The following CEP112 variants were observed in gnomAD, a reference collection of about 807,000 sequenced individuals.
The protein encoded by CEP112 is centrosomal protein 112.
A neutral mutation model predicts 153.0 loss-of-function variants in CEP112; 127 were observed. That is an observed-to-expected ratio of 0.83 (90% CI 0.72 to 0.96). CEP112 has a LOEUF of 0.96. CEP112 is among the 40% of genes least tolerant of loss of function. CEP112 has a pLI of 0.00. For missense variants in CEP112, 1,089 were observed against 1,101.2 expected (o/e 0.99, Z 0.16); for synonymous variants, 358 against 374.4 (o/e 0.96, Z 0.51).
chr17:66,039,614 A>G (rs2145821392), intron 12 of CEP112, among the ~76,000 whole-genome samples: 1 of 152,284 alleles, frequency 6.6e-6, no homozygotes, highest in East Asian at 1.9e-4. Context: ...AAAGATACAT[A>G]CGTTTATGAT....
At chr17:65,831,979 A>G (rs538540838) in intron 21 of CEP112, among the ~76,000 whole-genome samples, 1 of 152,360 alleles carries the variant, frequency 6.6e-6, no homozygotes, top group South Asian at 2.1e-4. Context: ...AACCGAAATC[A>G]TACCAAACAC....
At chr17:65,693,745 A>G (rs1298203649) in intron 23 of CEP112, among the ~76,000 whole-genome samples, 1 of 152,144 alleles carries the variant, frequency 6.6e-6, no homozygotes, top group Non-Finnish European at 1.5e-5. Flanking sequence ...ATTGCTAGAC[A>G]CTATCCGTGC....
At chr17:66,183,477 A>C in intron 1 of CEP112, among the ~76,000 whole-genome samples, 170 bp from the exon 2 acceptor site, 1 of 152,188 alleles carries the variant, frequency 6.6e-6, no homozygotes, top group East Asian at 1.9e-4. Flanking sequence ...TTGTAGAGAT[A>C]AGCTTAATTC....
intron 17 of CEP112, among the ~76,000 whole-genome samples, chr17:65,997,194 G>A (rs945339921): frequency 6.6e-6 from 1 of 152,172 alleles, no homozygotes; most frequent in African/African-American, 2.4e-5. Flanking sequence ...CTGGGCAACA[G>A]AGTGAGACTC....
intron 21 of CEP112, among the ~76,000 whole-genome samples, chr17:65,756,318 A>C (rs1567968066): frequency 6.6e-6 from 1 of 151,010 alleles, no homozygotes; most frequent in Non-Finnish European, 1.5e-5. Flanking sequence ...AGGCAGAATA[A>C]TCACTGGAAC....
chr17:66,004,919 T>G (rs970950296), intron 17 of CEP112, among the ~76,000 whole-genome samples: 5 of 152,220 alleles, frequency 3.3e-5, no homozygotes, highest in Non-Finnish European at 7.3e-5. Context: ...ATCACTTTCT[T>G]GGGTCAGTCA....
chr17:66,073,396 G>T (rs2067371282), intron 8 of CEP112, among the ~76,000 whole-genome samples: 1 of 152,204 alleles, frequency 6.6e-6, no homozygotes, highest in Non-Finnish European at 1.5e-5. Context: ...CTTAAATGCA[G>T]GGTACTAAAA....
chr17:65,789,804 T>C (rs932368265), intron 21 of CEP112, among the ~76,000 whole-genome samples: 2 of 152,218 alleles, frequency 1.3e-5, no homozygotes, highest in African/African-American at 4.8e-5. Context: ...AAATTATCTA[T>C]ACAACTAGAC....
chr17:65,939,177 T>C (rs1419128422), intron 18 of CEP112, among the ~76,000 whole-genome samples: 3 of 152,200 alleles, frequency 2.0e-5, no homozygotes, highest in African/African-American at 7.2e-5. Context: ...AGTATTCATT[T>C]ATTCAAAGAG....
chr17:66,024,551 A>T (rs571756066), intron 16 of CEP112, among the ~76,000 whole-genome samples: 10 of 146,426 alleles, frequency 6.8e-5, no homozygotes, highest in Admixed American at 4.4e-4. Flanking sequence ...ATCAAGAAGC[A>T]ATCCCATTTA....
chr17:66,101,247 A>G (rs1446545448), intron 6 of CEP112, among the ~76,000 whole-genome samples: 1 of 152,144 alleles, frequency 6.6e-6, no homozygotes, highest in Non-Finnish European at 1.5e-5. Context: ...ATCATATAAA[A>G]CATTGTATTT....
intron 24 of CEP112, among the ~76,000 whole-genome samples, chr17:65,643,375 G>A (rs562765421): frequency 2.2e-4 from 33 of 152,078 alleles, no homozygotes; most frequent in African/African-American, 8.0e-4. Context: ...TTGGCTCACT[G>A]CAACCTCTGC....
chr17:65,924,818 C>G (rs2144131230), intron 19 of CEP112, among the ~76,000 whole-genome samples: 1 of 152,288 alleles, frequency 6.6e-6, no homozygotes, highest in Middle Eastern at 3.4e-3. Flanking sequence ...TTACTAGTTA[C>G]TCCACTCCTC....
At chr17:65,705,737 G>A (rs542532103) in intron 23 of CEP112, among the ~76,000 whole-genome samples, 2 of 152,288 alleles carry the variant, frequency 1.3e-5, no homozygotes, top group Non-Finnish European at 2.9e-5. Context: ...GATTTGAAAA[G>A]ACATGAGAGC....
At chr17:65,839,005 A>G (rs1303477987) in intron 21 of CEP112, among the ~76,000 whole-genome samples, 2 of 152,184 alleles carry the variant, frequency 1.3e-5, no homozygotes, top group Admixed American at 6.5e-5. Context: ...AGATTGAAGC[A>G]GTAATAAAAT....
chr17:66,013,207 A>C (rs2064615154), intron 16 of CEP112, among the ~76,000 whole-genome samples: 1 of 152,132 alleles, frequency 6.6e-6, no homozygotes, highest in African/African-American at 2.4e-5. Context: ...TTCATAGTCT[A>C]AATTCTACTT....
chr17:65,802,578 C>A (rs529090512), intron 21 of CEP112, among the ~76,000 whole-genome samples: 1 of 152,256 alleles, frequency 6.6e-6, no homozygotes, highest in Non-Finnish European at 1.5e-5. Context: ...CCTTTATCTT[C>A]AATTCTTCAC....
At chr17:65,954,133 T>C (rs796963078) in intron 18 of CEP112, among the ~76,000 whole-genome samples, 15 of 152,340 alleles carry the variant, frequency 9.8e-5, no homozygotes, top group African/African-American at 3.6e-4. Context: ...GAGCAGGTCC[T>C]GGTATCCATG....
chr17:66,069,950 T>G lies in CEP112; in HGVS notation c.820A>C (p.Lys274Gln), dbSNP rs779034454. The G allele has an allele frequency of 3.7e-6, 6 of 1,607,780 alleles. No individual in the cohort carries two copies. The East Asian group carries it at 9.0e-5, about 24-fold the overall frequency. The change falls in exon 9 of 27, where the codon AAA becomes CAA. Residue 274 changes from lysine to glutamine, a missense_variant. Transcript: ENST00000535342. ...MEAKFHEEKL[K>Q]LQQKHDADVQ... Reference sequence around the variant, plus strand: ...TCAGCATCATGTTTCTGTTGCAGTTTAAGCTTTTCTTCATGAAATTTAGCT... The same window carrying G: ...TCAGCATCATGTTTCTGTTGCAGTTGAAGCTTTTCTTCATGAAATTTAGCT...
Sources: allele counts gnomAD v4.1 joint callset (sites outside exome capture counted in the v4.1 genomes callset), GRCh38; gene constraint gnomAD v4.1.1; transcripts MANE v1.5; gene names NCBI Gene and HGNC (gene_info 2026-07-23, HGNC 2026-07-21).